The following NOTCH2 variants were observed in gnomAD, a reference collection of about 807,000 sequenced individuals.
NOTCH2 encodes neurogenic locus notch homolog protein 2.
In NOTCH2, 29 loss-of-function variants were observed where a neutral mutation model predicts 235.8. That is an observed-to-expected ratio of 0.12 (90% confidence interval 0.09 to 0.17). The LOEUF is 0.17. Among genes scored for constraint, NOTCH2 ranks in the 10% least tolerant of loss-of-function variants. The probability of loss-of-function intolerance (pLI) is 1.00; values close to 1 mark genes in which losing one functional copy is unlikely to be tolerated. For missense variants in NOTCH2, 2,285 were observed against 3,150.2 expected, an observed-to-expected ratio of 0.73 and a Z score of 6.57; for synonymous variants, 1,086 against 1,141.5, an observed-to-expected ratio of 0.95 and a Z score of 0.98.
At chr1:120,036,890 C>T (rs1346128632) in intron 1 of NOTCH2, among the ~76,000 whole-genome samples, 1 of 152,112 alleles carries the variant, frequency 6.6e-6, no homozygotes, top group Non-Finnish European at 1.5e-5. Flanking sequence ...CTAAGTTTTC[C>T]AATGCTTTTC....
chr1:119,927,912 G>T (rs1649528616), intron 23 of NOTCH2, among the ~76,000 whole-genome samples: 1 of 152,176 alleles, frequency 6.6e-6, no homozygotes, highest in South Asian at 2.1e-4. Context: ...TATCTTTAAA[G>T]TTGGAAGGAA....
intron 11 of NOTCH2, among the ~76,000 whole-genome samples, chr1:119,959,731 G>GCTAA (rs1458809621): frequency 6.6e-6 from 1 of 152,122 alleles, no homozygotes; most frequent in African/African-American, 2.4e-5. Context: ...TTTTCACTGT[G>GCTAA]CTAACATTCA....
rs1649330683 is a variant in NOTCH2 at position 119,922,727 on chromosome 1, G to C, written c.4911C>G (p.Asp1637Glu). ...IDNRQCVQDSDHCFKNTDAAA... is the reference protein window; with the variant it reads ...IDNRQCVQDSEHCFKNTDAAA... ...CTGCATCCGTGTTCTTGAAGCAGTG[G>C]TCTGAGTCTTGAACACACTGGCGGT... Residue 1637 changes from aspartate to glutamate, a missense_variant, in exon 27 of 34, where the codon GAC (aspartate) becomes GAG (glutamate). Around this residue, in one of 6 missense-constraint regions of NOTCH2, gnomAD observed 1,173 missense variants for 1,515.3 expected, o/e 0.77. Transcript: ENST00000256646. The C allele has an allele frequency of 6.2e-7, 1 of 1,614,080 alleles. No homozygotes were observed. The highest frequency in any genetic ancestry group is 1.7e-5 in the Admixed American group (1 of 60,006).
intron 22 of NOTCH2, 144 bp downstream of exon 22, chr1:119,935,328 T>A: frequency 6.3e-7 from 1 of 1,590,484 alleles, no homozygotes; most frequent in Non-Finnish European, 8.5e-7. Context: ...TAAAATGGCT[T>A]GAATTACTAG....
chr1:120,060,699 T>G (rs1434181086), intron 1 of NOTCH2, among the ~76,000 whole-genome samples: 1 of 151,236 alleles, frequency 6.6e-6, no homozygotes, highest in African/African-American at 2.4e-5. Context: ...TAATTATCTG[T>G]AAACATAACG....
chr1:119,989,150 C>G (rs1293515494), intron 4 of NOTCH2, among the ~76,000 whole-genome samples: 1 of 152,168 alleles, frequency 6.6e-6, no homozygotes, highest in Non-Finnish European at 1.5e-5. Flanking sequence ...CATGCAATAG[C>G]TGAGTGAATA....
intron 26 of NOTCH2, 138 bp downstream of exon 26, chr1:119,923,499 A>G: frequency 7.7e-6 from 6 of 776,450 alleles, no homozygotes; most frequent in Non-Finnish European, 1.3e-5. Flanking sequence ...GTACTGGGGT[A>G]ACGGGTTTAT....
At chr1:120,040,845 G>A (rs1654516039) in intron 1 of NOTCH2, among the ~76,000 whole-genome samples, 1 of 149,828 alleles carries the variant, frequency 6.7e-6, no homozygotes, top group Non-Finnish European at 1.5e-5. Flanking sequence ...AGACCATCCT[G>A]GCTAACACGG....
intron 1 of NOTCH2, among the ~76,000 whole-genome samples, chr1:120,048,595 T>G (rs1553214008): frequency 6.8e-6 from 1 of 146,326 alleles, no homozygotes; most frequent in Non-Finnish European, 1.5e-5. Flanking sequence ...ACCACAGGTG[T>G]GCACCCCCAC....
chr1:119,968,221 G>T lies in NOTCH2; in HGVS notation c.1120C>A (p.His374Asn). 1 of 1,613,826 alleles carries T rather than the reference G, an allele frequency of 6.2e-7. No individual in the cohort carries two copies. Among genetic ancestry groups the T allele is most frequent in the South Asian group, 1.1e-5 (1 of 91,058 alleles). The part of the protein sequence containing the change: ...CPEGKAGLLC[H>N]LDDACISNPC... Reference sequence around the variant, plus strand: ...TTGCTGATGCATGCATCATCCAGATGACACAGGAGACCTGTCACAGGGTGG... The same window carrying T: ...TTGCTGATGCATGCATCATCCAGATTACACAGGAGACCTGTCACAGGGTGG... Residue 374 changes from histidine (H) to asparagine (N), a missense_variant, in exon 7 of 34, where the codon CAT (histidine) becomes AAT (asparagine). Coordinates refer to ENST00000256646, the MANE Select transcript of NOTCH2 (RefSeq NM_024408.4).
At chr1:119,960,846 T>C (rs587719142) in intron 11 of NOTCH2, among the ~76,000 whole-genome samples, 1 of 152,234 alleles carries the variant, frequency 6.6e-6, no homozygotes, top group South Asian at 2.1e-4. Flanking sequence ...ATTTATTTTT[T>C]GTAGGGACGA....
chr1:120,003,493 A>G (rs1245176189), intron 3 of NOTCH2, among the ~76,000 whole-genome samples: 1 of 152,056 alleles, frequency 6.6e-6, no homozygotes, highest in African/African-American at 2.4e-5. Context: ...TTAATATAAC[A>G]GTATTCTACA....
chr1:119,941,988 T>A (rs1650081271), intron 17 of NOTCH2, among the ~76,000 whole-genome samples: 1 of 152,232 alleles, frequency 6.6e-6, no homozygotes, highest in Admixed American at 6.5e-5. Flanking sequence ...AACAGTTTTG[T>A]AAAATTAATA....
chr1:119,915,956 G>A lies in NOTCH2; in HGVS notation c.6766C>T (p.Arg2256Cys), dbSNP rs147522485. The A allele has an allele frequency of 1.5e-4, 248 of 1,614,060 alleles. No individual in the cohort carries two copies. In the African/African-American group the frequency reaches 1.6e-3, roughly 11 times the overall value. The change falls in exon 34 of 34, where the codon CGC (arginine) becomes TGC (cysteine). Residue 2256 changes from arginine to cysteine, a missense_variant. Physicochemically the swap from Arg to Cys is radical, Grantham distance 180. This residue lies in a region of NOTCH2 where 504 missense variants were observed against 538.0 expected (regional missense o/e 0.94). Transcript: ENST00000256646. ...PVPVPADWMNRMEVNETQYNE... is the reference protein window; with the variant it reads ...PVPVPADWMNCMEVNETQYNE... ...TACTGGGTCTCATTCACCTCCATGC[G>A]GTTCATCCAATCTGCTGGGACTGGG... is the stretch of plus-strand genomic sequence containing the variant.
At chr1:120,046,155 A>C (rs1453660006) in intron 1 of NOTCH2, among the ~76,000 whole-genome samples, 1 of 139,818 alleles carries the variant, frequency 7.2e-6, no homozygotes, top group Admixed American at 7.3e-5. Flanking sequence ...TGCGCTCAAG[A>C]GTATACAGTA....
intron 13 of NOTCH2, 96 bp downstream of exon 13, chr1:119,954,944 A>G: frequency 8.1e-7 from 1 of 1,239,844 alleles, no homozygotes; most frequent in Non-Finnish European, 1.2e-6. Context: ...TTTCAGCTCA[A>G]AGCCCCATTT....
intron 2 of NOTCH2, among the ~76,000 whole-genome samples, chr1:120,014,849 ATGAC>A (rs1196882793): frequency 7.9e-6 from 1 of 127,344 alleles, no homozygotes; most frequent in African/African-American, 3.0e-5. Context: ...CAGCTCCAAG[ATGAC>A]TGAAGTCTGA....
chr1:119,915,126 G>A lies in NOTCH2; in HGVS notation c.*180C>T. The stretch of plus-strand genomic sequence containing the variant: ...ATTAGAATAATCAATAAGCCTTGCA[G>A]ATACCCAGTGAAACTGACGAATTGC... On this transcript the variant is annotated 3_prime_UTR_variant, in exon 34 of 34. Transcript: ENST00000256646. 1 of 669,796 alleles carries A rather than the reference G, an allele frequency of 1.5e-6. No individual in the cohort carries two copies. The highest frequency in any genetic ancestry group is 2.6e-6 in the Non-Finnish European group (1 of 379,500). 41.5% of individuals were successfully genotyped at this position (669,796 alleles called of 1,614,324 possible). A position where few individuals can be genotyped will look rare whatever the true frequency, so the allele number is the denominator to read the frequency against.
At chr1:119,963,445 G>C (rs1443288748) in intron 11 of NOTCH2, 129 bp downstream of exon 11, 1 of 884,702 alleles carries the variant, frequency 1.1e-6, no homozygotes, top group Non-Finnish European at 1.9e-6. Flanking sequence ...TTGTGGCTTT[G>C]GCTGTGCTTC....
Sources: gnomAD v4.1 joint callset for allele counts (sites outside exome capture counted in the v4.1 genomes callset) on GRCh38, gnomAD v4.1.1 for gene constraint, gnomAD v4.1.1 regional missense constraint, MANE v1.5 for transcripts, NCBI Gene and HGNC (gene_info 2026-07-23, HGNC 2026-07-21) for gene names.